PTPN18: variants seen among roughly 807,000 people sequenced by gnomAD.
PTPN18 encodes protein tyrosine phosphatase non-receptor type 18.
Under a neutral mutation model 65.4 loss-of-function variants are expected in PTPN18, and 65 were observed. That is an observed-to-expected ratio of 0.99 (90% confidence interval 0.81 to 1.22). The LOEUF (loss-of-function observed/expected upper bound fraction) is 1.22. Ranked by LOEUF, PTPN18 falls within the 50% of genes most tolerant of loss-of-function variation. PTPN18 has a pLI of 0.00. For synonymous variants in PTPN18, 255 were observed against 267.8 expected (o/e 0.95, Z 0.47); for missense variants, 616 against 646.5 (o/e 0.95, Z 0.51).
chr2:130,356,912 C>T (rs901218955), intron 1 of PTPN18, among the ~76,000 whole-genome samples: 6 of 152,190 alleles, frequency 3.9e-5, no homozygotes, highest in African/African-American at 1.4e-4. Flanking sequence ...AAACGTGGGC[C>T]AGGTGCGGTG....
At chr2:130,361,222 A>G (rs543003374) in intron 5 of PTPN18, among the ~76,000 whole-genome samples, 2 of 152,346 alleles carry the variant, frequency 1.3e-5, no homozygotes, top group East Asian at 3.9e-4. Flanking sequence ...ATAAGTATTA[A>G]TTAGGTCAAG....
rs1357836814 is a variant in PTPN18 at position 130,372,891 on chromosome 2, C to T, written c.1259C>T (p.Pro420Leu). The T allele has an allele frequency of 2.5e-6, 4 of 1,614,214 alleles. No individual in the cohort carries two copies. The South Asian group carries it at 3.3e-5, about 13-fold the overall frequency. Residue 420 changes from proline (P) to leucine (L), a missense_variant, in exon 14 of 15, where the codon CCT (proline) becomes CTT (leucine). Physicochemically the swap from Pro to Leu is moderately conservative, Grantham distance 98 (BLOSUM62 -3). Around this residue, in one of 3 missense-constraint regions of PTPN18, gnomAD observed 368 missense variants for 386.7 expected, o/e 0.95. Transcript: ENST00000175756. ...LPGRVPADQS[P>L]AGSGAYEDVA... ...CCCTCAGTTCCTGCTGACCAAAGTC[C>T]TGCCGGATCTGGCGCCTACGAGGAC...
rs1190320140 is a variant in PTPN18 at position 130,371,270 on chromosome 2, A to C, written c.996A>C (p.Pro332=). Residue 332 remains proline (P), a synonymous_variant, in exon 12 of 15, where the codon CCA becomes CCC. Coordinates refer to ENST00000175756, the MANE Select transcript of PTPN18 (RefSeq NM_014369.4). Reference sequence around the variant, plus strand: ...AGGCACTTCTCGCCATACCCCGCCCACCAGGAGGGGTCCTCAGGTACCCGG... The same window carrying C: ...AGGCACTTCTCGCCATACCCCGCCCCCCAGGAGGGGTCCTCAGGTACCCGG... ...TPQALLAIPR[P]PGGVLRSISV... 1.9e-6 allele frequency: 3 copies of C among 1,602,554 alleles called. No individual in the cohort carries two copies. In the East Asian group the frequency reaches 6.7e-5, roughly 36 times the overall value.
chr2:130,359,072 C>T, intron 2 of PTPN18, 97 bp downstream of exon 2: 1 of 1,461,096 alleles, frequency 6.8e-7, no homozygotes, highest in East Asian at 2.3e-5. Context: ...TGCTCTCCTC[C>T]CAGAGCCTCA....
At position 130,373,525 on chromosome 2, in the gene PTPN18, G is replaced by A; in HGVS notation, c.*301G>A. The stretch of plus-strand genomic sequence containing the variant: ...AGGGACAGATGAGCTTCCGGAGACT[G>A]CTCTCCTCACCACACAGCACTAGTC... On this transcript the variant is annotated 3_prime_UTR_variant, in exon 15 of 15. Coordinates refer to ENST00000175756, the MANE Select transcript of PTPN18 (RefSeq NM_014369.4). The surrounding 1 kb of genome is among the most constrained non-coding windows in gnomAD (Gnocchi z 4.1). The A allele has an allele frequency of 1.1e-5, 3 of 268,452 alleles. No homozygotes were observed. Among genetic ancestry groups the A allele is most frequent in the East Asian group, 7.4e-5 (1 of 13,500 alleles). 16.6% of individuals were successfully genotyped at this position (268,452 alleles called of 1,614,324 possible).
At chr2:130,357,583 A>G (rs13387633) in intron 1 of PTPN18, among the ~76,000 whole-genome samples, 5,809 of 152,278 alleles carry the variant, frequency 0.038, 343 homozygotes, top group East Asian at 0.17. Flanking sequence ...ATGGCCGGGC[A>G]CGGTGGCTCA....
In PTPN18 at chr2:130,358,971, G is replaced by A. The variant is rs1440769358; in HGVS notation, c.198G>A (p.Leu66=). 6.2e-7 allele frequency: 1 copy of A among 1,613,698 alleles called. No homozygotes were observed. Among genetic ancestry groups the A allele is most frequent in the African/African-American group, 1.3e-5 (1 of 74,950 alleles). ...GGAAGAACCGCTACAAAGACGTGCT[G>A]CCTTGTAAGTCGGGGCTTCCGTAGG... is the stretch of plus-strand genomic sequence containing the variant. ...NVRKNRYKDV[L]PYDQTRVILS... The change falls in exon 2 of 15, where the codon CTG becomes CTA. Residue 66 remains leucine (L), a synonymous_variant. Transcript: ENST00000175756.
Position 130,356,151 on chromosome 2 carries a change from T to TGGAAGCGCGGGGCGGCC in PTPN18, c.47_63dup (p.Glu22LysfsTer42), listed in dbSNP as rs1360013681. Reference sequence around the variant, plus strand: ...TCGGCGCGGAGCTTCCTGGAGCGGCTGGAAGCGCGGGGCGGCCGGGAGGGG... The same window carrying TGGAAGCGCGGGGCGGCC: ...TCGGCGCGGAGCTTCCTGGAGCGGCTGGAAGCGCGGGGCGGCCGGAAGCGCGGGGCGGCCGGGAGGGG... On this transcript the variant is annotated frameshift_variant, in exon 1 of 15. Transcript: ENST00000175756. LOFTEE classifies it high-confidence loss of function. 7.6e-7 allele frequency: 1 copy of TGGAAGCGCGGGGCGGCC among 1,313,252 alleles called. No individual in the cohort carries two copies. Among genetic ancestry groups the TGGAAGCGCGGGGCGGCC allele is most frequent in the Non-Finnish European group, 9.7e-7 (1 of 1,035,554 alleles). The allele number at this position is 1,313,252 out of a possible 1,614,324, so 81.3% of individuals were successfully genotyped here.
At chr2:130,371,046 G>A (rs946337178) in intron 11 of PTPN18, 82 bp downstream of exon 11, 1 of 1,463,960 alleles carries the variant, frequency 6.8e-7, no homozygotes, top group Non-Finnish European at 9.4e-7. Context: ...CAGCCCCCGG[G>A]ACTACTGGGA....
At chr2:130,365,228 A>G (rs1433806536) in intron 5 of PTPN18, among the ~76,000 whole-genome samples, 1 of 152,236 alleles carries the variant, frequency 6.6e-6, no homozygotes, top group Non-Finnish European at 1.5e-5. Flanking sequence ...ATGCTCCATT[A>G]TAATCTATGG....
chr2:130,367,772 T>C (rs571141852), intron 5 of PTPN18, among the ~76,000 whole-genome samples: 5 of 152,310 alleles, frequency 3.3e-5, no homozygotes, highest in South Asian at 2.1e-4. Flanking sequence ...CTCCCTCTGG[T>C]TCATTGACTT....
At chr2:130,359,783 T>C in intron 5 of PTPN18, 137 bp downstream of exon 5, 1 of 1,080,436 alleles carries the variant, frequency 9.3e-7, no homozygotes, top group Non-Finnish European at 1.4e-6. Context: ...GAAGCCCCAT[T>C]GTTCCTCTAA....
At position 130,372,936 on chromosome 2, in the gene PTPN18, C is replaced by CGTGGCGGGTGGAG; in HGVS notation, c.1304_1305insGTGGCGGGTGGAG (p.Gly436TrpfsTer25). 1 of 1,614,092 alleles carries CGTGGCGGGTGGAG rather than the reference C, an allele frequency of 6.2e-7. No homozygotes were observed. Among genetic ancestry groups the CGTGGCGGGTGGAG allele is most frequent in the Non-Finnish European group, 8.5e-7 (1 of 1,180,026 alleles). ...GAGGACGTGGCGGGTGGAGCTCAGA[C>CGTGGCGGGTGGAG]CGGTGGGCTAGGTAAGTCAGGTAGA... On this transcript the variant is annotated frameshift_variant, in exon 14 of 15. Transcript: ENST00000175756. LOFTEE classifies it high-confidence loss of function.
intron 5 of PTPN18, among the ~76,000 whole-genome samples, chr2:130,364,920 C>T (rs1680334840): frequency 6.6e-6 from 1 of 152,156 alleles, no homozygotes; most frequent in Admixed American, 6.5e-5. Context: ...CTATGTTCAA[C>T]ATTTTGTTTT....
In PTPN18 at chr2:130,372,348, G is replaced by C; in HGVS notation, c.1105G>C (p.Gly369Arg). 7.2e-7 allele frequency: 1 copy of C among 1,396,876 alleles called. No homozygotes were observed. The highest frequency in any genetic ancestry group is 2.9e-5 in the East Asian group (1 of 33,984). 86.5% of individuals were successfully genotyped at this position (1,396,876 alleles called of 1,614,324 possible). A position where few individuals can be genotyped will look rare whatever the true frequency, so the allele number is the denominator to read the frequency against. ...KRGAPAGAGSGTQTGTGTGTG... is the reference protein window; with the variant it reads ...KRGAPAGAGSRTQTGTGTGTG... ...CGGGGCTCCAGCGGGCGCCGGGAGT[G>C]GGACGCAGACGGGGACGGGGACGGG... The change falls in exon 13 of 15, where the codon GGG (glycine) becomes CGG (arginine). Residue 369 changes from glycine to arginine, a missense_variant. Physicochemically the swap from Gly to Arg is moderately radical, Grantham distance 125. Around this residue, in one of 3 missense-constraint regions of PTPN18, gnomAD observed 368 missense variants for 386.7 expected, o/e 0.95. Transcript: ENST00000175756.
At position 130,372,375 on chromosome 2, in the gene PTPN18, A is replaced by G. The variant is rs201356641; in HGVS notation, c.1132A>G (p.Thr378Ala). The change falls in exon 13 of 15, where the codon ACG (threonine) becomes GCG (alanine). Residue 378 changes from threonine to alanine, a missense_variant. This residue lies in a region of PTPN18 where 368 missense variants were observed against 386.7 expected (regional missense o/e 0.95). Coordinates refer to ENST00000175756, the MANE Select transcript of PTPN18 (RefSeq NM_014369.4). ...GACGCAGACGGGGACGGGGACGGGG[A>G]CGGGGGCGCGCAGCGCGGAGGAGGC... ...SGTQTGTGTGTGARSAEEAPL... is the reference protein window; with the variant it reads ...SGTQTGTGTGAGARSAEEAPL... The G allele has an allele frequency of 1.5e-6, 2 of 1,314,260 alleles. No individual in the cohort carries two copies. The highest frequency in any genetic ancestry group is 1.9e-6 in the Non-Finnish European group (2 of 1,030,412). The allele number at this position is 1,314,260 out of a possible 1,614,324, so 81.4% of individuals were successfully genotyped here. A position where few individuals can be genotyped will look rare whatever the true frequency, so the allele number is the denominator to read the frequency against.
intron 5 of PTPN18, among the ~76,000 whole-genome samples, chr2:130,364,003 T>C (rs1300319208): frequency 2.0e-5 from 3 of 152,094 alleles, no homozygotes; most frequent in African/African-American, 7.2e-5. Flanking sequence ...TGCCATTGTG[T>C]CTTTCTTTAA....
chr2:130,367,941 T>A (rs1680438413), intron 5 of PTPN18, among the ~76,000 whole-genome samples: 1 of 152,172 alleles, frequency 6.6e-6, no homozygotes, highest in Non-Finnish European at 1.5e-5. Context: ...TGATTCTTTT[T>A]CATTTTTTTC....
intron 5 of PTPN18, among the ~76,000 whole-genome samples, chr2:130,367,404 TG>T (rs1471044893): frequency 1.3e-5 from 2 of 152,204 alleles, no homozygotes; most frequent in Non-Finnish European, 2.9e-5. Flanking sequence ...CCTGGTGTGG[TG>T]GCTCATGCCT....
Sources: allele counts gnomAD v4.1 joint callset (sites outside exome capture counted in the v4.1 genomes callset), GRCh38; gene constraint gnomAD v4.1.1; regional missense constraint gnomAD v4.1.1; non-coding constraint Gnocchi (gnomAD v3.1); transcripts MANE v1.5; gene names NCBI Gene and HGNC (gene_info 2026-07-23, HGNC 2026-07-21).